The following FGD4 variants were observed in gnomAD, a reference collection of about 807,000 sequenced individuals.
FGD4 encodes FYVE, RhoGEF and PH domain containing 4.
Under a neutral mutation model 102.0 loss-of-function variants are expected in FGD4, and 42 were observed. The observed-to-expected ratio is 0.41, with a 90% confidence interval of 0.32 to 0.53. The LOEUF (loss-of-function observed/expected upper bound fraction) is 0.53. FGD4 is among the 20% of genes least tolerant of loss of function. The probability of loss-of-function intolerance (pLI) is 0.21; values close to 1 mark genes in which losing one functional copy is unlikely to be tolerated. For missense variants in FGD4, 902 were observed against 1,078.2 expected, an observed-to-expected ratio of 0.84 and a Z score of 2.29; for synonymous variants, 380 against 375.7, an observed-to-expected ratio of 1.01 and a Z score of -0.13.
At chr12:32,418,105 C>T (rs1404230016) in intron 1 of FGD4, among the ~76,000 whole-genome samples, 5 of 151,850 alleles carry the variant, frequency 3.3e-5, no homozygotes, top group African/African-American at 1.2e-4. Flanking sequence ...TACAGGCGCC[C>T]GCCACCACGC....
At chr12:32,570,065 AC>A (rs1348161974) in intron 2 of FGD4, among the ~76,000 whole-genome samples, 1 of 151,932 alleles carries the variant, frequency 6.6e-6, no homozygotes, top group Non-Finnish European at 1.5e-5. Context: ...ACATGGTGAA[AC>A]CCCATCTACT....
intron 4 of FGD4, among the ~76,000 whole-genome samples, chr12:32,584,401 A>C (rs1946843709): frequency 6.6e-6 from 1 of 152,232 alleles, no homozygotes; most frequent in Non-Finnish European, 1.5e-5. Flanking sequence ...ACAATTAAGA[A>C]AAAGAAATTA....
chr12:32,536,412 A>G (rs1325184445), intron 1 of FGD4, among the ~76,000 whole-genome samples: 1 of 152,252 alleles, frequency 6.6e-6, no homozygotes, highest in Non-Finnish European at 1.5e-5. Flanking sequence ...CAAAAATAAA[A>G]AGGTATTTTC....
chr12:32,600,568 TTTTCTTTCTTTCTTTC>T (rs755842788), intron 5 of FGD4: 1 of 459,212 alleles, frequency 2.2e-6, no homozygotes, highest in Non-Finnish European at 2.9e-6. Flanking sequence ...TGTTTTTTGT[TTTTCTTTCTTTCTTTC>T]TTTCTTTCTT....
intron 1 of FGD4, among the ~76,000 whole-genome samples, chr12:32,505,607 C>T (rs1938641478): frequency 6.6e-6 from 1 of 152,210 alleles, no homozygotes; most frequent in Admixed American, 6.5e-5. Context: ...ATGGACTTAA[C>T]CTTTTCTTGC....
In FGD4 at chr12:32,576,346, G is replaced by A. The variant is rs745872665; in HGVS notation, c.400G>A (p.Ala134Thr). The A allele has an allele frequency of 3.1e-6, 5 of 1,614,082 alleles. No homozygotes were observed. The highest frequency in any genetic ancestry group is 4.2e-6 in the Non-Finnish European group (5 of 1,180,002). Residue 134 changes from alanine to threonine, a missense_variant, in exon 3 of 17, where the codon GCA (alanine) becomes ACA (threonine). By Grantham distance (58) the Ala-to-Thr change is moderately conservative (BLOSUM62 0). Around this residue, in one of 2 missense-constraint regions of FGD4, gnomAD observed 443 missense variants for 459.2 expected, o/e 0.96. Coordinates refer to ENST00000534526, the MANE Select transcript of FGD4 (RefSeq NM_001370298.3). ...QTPRHKALPS[A>T]KPRMEEIKPA... ...CCCCAGGCATAAAGCTTTACCTAGT[G>A]CAAAACCAAGGATGGAGGAAATTAA...
intron 1 of FGD4, among the ~76,000 whole-genome samples, chr12:32,414,237 G>A (rs1264339329): frequency 6.6e-6 from 1 of 151,976 alleles, no homozygotes; most frequent in African/African-American, 2.4e-5. Flanking sequence ...CTCCCAAAGT[G>A]TTGGGATTAT....
At chr12:32,548,796 A>G (rs1252515056) in intron 1 of FGD4, among the ~76,000 whole-genome samples, 3 of 152,228 alleles carry the variant, frequency 2.0e-5, no homozygotes, top group Admixed American at 6.5e-5. Flanking sequence ...TGGTCAGAAC[A>G]TCGTGAGATC....
At chr12:32,621,230 G>A (rs1320460625) in intron 11 of FGD4, among the ~76,000 whole-genome samples, 22 of 151,942 alleles carry the variant, frequency 1.4e-4, no homozygotes, top group Admixed American at 1.4e-3. Context: ...ACAAAAATTA[G>A]CCAGGCATGA....
chr12:32,515,324 TGATTAG>T, intron 1 of FGD4, among the ~76,000 whole-genome samples: 1 of 152,188 alleles, frequency 6.6e-6, no homozygotes, highest in Non-Finnish European at 1.5e-5. Context: ...CAGATTTCTC[TGATTAG>T]ATTGGGTGCC....
At chr12:32,608,751 T>C (rs970455313) in intron 8 of FGD4, among the ~76,000 whole-genome samples, 7 of 152,206 alleles carry the variant, frequency 4.6e-5, no homozygotes, top group African/African-American at 1.4e-4. Context: ...TGGCTTGATA[T>C]TCAACAAGCA....
intron 2 of FGD4, among the ~76,000 whole-genome samples, chr12:32,565,665 A>C (rs1945129236): frequency 1.3e-5 from 2 of 152,210 alleles, no homozygotes; most frequent in South Asian, 4.1e-4. Context: ...ATTGAGAGAT[A>C]TAAGAGTGTC....
chr12:32,446,455 G>A lies in FGD4; in HGVS notation c.166+46496G>A, dbSNP rs75486842. 8.9e-4 allele frequency among the ~76,000 whole-genome samples: 136 copies of A among 152,242 alleles called. 1 individual carries two copies. In the East Asian group the frequency reaches 0.023, roughly 26 times the overall value. On this transcript the variant is annotated intron_variant, in intron 1 of 16. Transcript: ENST00000534526. ...ATGTCTAATGGCAGTACACACGGTC[G>A]AGGGGTACTTAGCAAGGCCTGTTTG...
intron 4 of FGD4, among the ~76,000 whole-genome samples, chr12:32,584,524 C>G (rs1030957877): frequency 2.0e-5 from 3 of 151,942 alleles, no homozygotes; most frequent in Admixed American, 2.0e-4. Flanking sequence ...GTCAATAATT[C>G]TTTGTGTGTT....
rs140265190 is a variant in FGD4 at position 32,429,869 on chromosome 12, T to C, written c.166+29910T>C. ...ATCTTGGTTTTGGTGGGTTTTGGCCTGCTTCTTACCATGTTTTATCAGCAA... is the reference window on the plus strand; with the variant it reads ...ATCTTGGTTTTGGTGGGTTTTGGCCCGCTTCTTACCATGTTTTATCAGCAA... On this transcript the variant is annotated intron_variant, in intron 1 of 16. Transcript: ENST00000534526. 4.6e-3 allele frequency among the ~76,000 whole-genome samples: 705 copies of C among 152,306 alleles called. 12 individuals are homozygous for C. Among genetic ancestry groups the C allele is most frequent in the African/African-American group, 0.016 (660 of 41,566 alleles).
intron 4 of FGD4, among the ~76,000 whole-genome samples, chr12:32,584,043 C>T (rs1946817471): frequency 6.6e-6 from 1 of 152,176 alleles, no homozygotes; most frequent in Admixed American, 6.5e-5. Context: ...ATTATGGATG[C>T]ATTTTCTTAG....
chr12:32,516,513 T>G (rs1370695841), intron 1 of FGD4, among the ~76,000 whole-genome samples: 20 of 152,174 alleles, frequency 1.3e-4, no homozygotes, highest in Admixed American at 1.2e-3. Context: ...CCATGGACTT[T>G]TAGACAGCAT....
At chr12:32,561,157 T>C (rs1315040191) in intron 1 of FGD4, among the ~76,000 whole-genome samples, 2 of 137,286 alleles carry the variant, frequency 1.5e-5, no homozygotes, top group Non-Finnish European at 3.1e-5. Context: ...CGATCTCAGC[T>C]CACTGCAACC....
intron 1 of FGD4, among the ~76,000 whole-genome samples, chr12:32,524,610 A>C (rs1264700148): frequency 6.6e-6 from 1 of 152,016 alleles, no homozygotes; most frequent in Non-Finnish European, 1.5e-5. Flanking sequence ...GGACCGCTTG[A>C]GCCTAGGAGT....
Sources: allele counts gnomAD v4.1 joint callset (sites outside exome capture counted in the v4.1 genomes callset), GRCh38; gene constraint gnomAD v4.1.1; regional missense constraint gnomAD v4.1.1; transcripts MANE v1.5; gene names NCBI Gene and HGNC (gene_info 2026-07-23, HGNC 2026-07-21).